ASIC2: variants seen among roughly 807,000 people sequenced by gnomAD.
The protein encoded by ASIC2 is acid-sensing ion channel 2.
In ASIC2, 25 loss-of-function variants were observed where a neutral mutation model predicts 57.3. The ratio of observed to expected loss-of-function variants is 0.44; its 90% CI spans 0.32 to 0.61. ASIC2 has a LOEUF of 0.61. Among genes scored for constraint, ASIC2 ranks in the 20% least tolerant of loss-of-function variants. The probability of loss-of-function intolerance (pLI) is 0.06; values close to 1 mark genes in which losing one functional copy is unlikely to be tolerated. For synonymous variants in ASIC2, 319 were observed against 307.5 expected (o/e 1.04, Z -0.39); for missense variants, 641 against 738.1 (o/e 0.87, Z 1.52).
chr17:33,046,552 G>A (rs2091955743), intron 3 of ASIC2, among the ~76,000 whole-genome samples: 1 of 151,974 alleles, frequency 6.6e-6, no homozygotes, highest in Non-Finnish European at 1.5e-5. Flanking sequence ...GAATACAGGG[G>A]AAGCCTGCCC....
At chr17:33,999,531 T>C (rs62056820) in intron 1 of ASIC2, among the ~76,000 whole-genome samples, 6,217 of 152,272 alleles carry the variant, frequency 0.041, 174 homozygotes, top group Middle Eastern at 0.065. Flanking sequence ...CTGTATGTAC[T>C]ACAGGTAGTT....
At chr17:33,962,274 G>T (rs1454784533) in intron 1 of ASIC2, among the ~76,000 whole-genome samples, 1 of 152,210 alleles carries the variant, frequency 6.6e-6, no homozygotes, top group Non-Finnish European at 1.5e-5. Flanking sequence ...TGGAGGAGGA[G>T]CTTTGAGGCC....
At chr17:33,667,386 G>A (rs959039461) in intron 1 of ASIC2, among the ~76,000 whole-genome samples, 1 of 152,152 alleles carries the variant, frequency 6.6e-6, no homozygotes, top group African/African-American at 2.4e-5. Context: ...CCCACACAAC[G>A]GAAGTGCATA....
chr17:33,288,172 T>C (rs934824302), intron 1 of ASIC2, among the ~76,000 whole-genome samples: 20 of 151,896 alleles, frequency 1.3e-4, no homozygotes, highest in East Asian at 3.9e-4. Context: ...TGTGTGAGGA[T>C]TGACATCTAA....
chr17:33,097,403 CA>C (rs549193806), intron 2 of ASIC2, among the ~76,000 whole-genome samples: 109 of 152,298 alleles, frequency 7.2e-4, no homozygotes, highest in Admixed American at 1.1e-3. Context: ...ATGAAGAAAC[CA>C]AAGCTCACAG....
chr17:33,512,221 T>C (rs1914449857), intron 1 of ASIC2, among the ~76,000 whole-genome samples: 1 of 152,206 alleles, frequency 6.6e-6, no homozygotes, highest in Non-Finnish European at 1.5e-5. Flanking sequence ...TCACTATCTA[T>C]GCTGAAAGAG....
chr17:33,568,478 G>A (rs1367493507), intron 1 of ASIC2, among the ~76,000 whole-genome samples: 1 of 152,128 alleles, frequency 6.6e-6, no homozygotes, highest in Non-Finnish European at 1.5e-5. Flanking sequence ...AAATAAGACT[G>A]TTCCCTCTGC....
chr17:33,703,814 T>C (rs11658778), intron 1 of ASIC2, among the ~76,000 whole-genome samples: 1 of 152,174 alleles, frequency 6.6e-6, no homozygotes, highest in African/African-American at 2.4e-5. Flanking sequence ...TGTACATGAT[T>C]GTTAGACTGC....
chr17:33,371,692 T>C (rs893050261), intron 1 of ASIC2, among the ~76,000 whole-genome samples: 1 of 100,254 alleles, frequency 1.0e-5, no homozygotes, highest in African/African-American at 4.0e-5. Flanking sequence ...AAATATACTT[T>C]GGGATTTTTT....
chr17:33,478,771 C>T, intron 1 of ASIC2, among the ~76,000 whole-genome samples: 1 of 152,184 alleles, frequency 6.6e-6, no homozygotes, highest in Admixed American at 6.5e-5. Context: ...CAAGGTTCTG[C>T]AATCAGGTGA....
At chr17:33,287,503 G>C (rs1033117433) in intron 1 of ASIC2, among the ~76,000 whole-genome samples, 1 of 152,212 alleles carries the variant, frequency 6.6e-6, no homozygotes, top group Admixed American at 6.5e-5. Flanking sequence ...GGAAACCCCA[G>C]AAGGGCCAGA....
At chr17:33,639,170 G>A (rs988761231) in intron 1 of ASIC2, among the ~76,000 whole-genome samples, 1 of 151,896 alleles carries the variant, frequency 6.6e-6, no homozygotes, top group South Asian at 2.1e-4. Flanking sequence ...AATGCCAGAC[G>A]TGAGGCTTTT....
chr17:33,020,652 G>A (rs1251165528), intron 7 of ASIC2, among the ~76,000 whole-genome samples: 3 of 152,182 alleles, frequency 2.0e-5, no homozygotes, highest in Non-Finnish European at 4.4e-5. Flanking sequence ...TTTGTGGGGT[G>A]GCAGCAGGTT....
chr17:33,223,276 G>A (rs1458905641), intron 1 of ASIC2, among the ~76,000 whole-genome samples: 3 of 151,812 alleles, frequency 2.0e-5, no homozygotes, highest in African/African-American at 4.8e-5. Context: ...TCCGCCTCCA[G>A]GGTTCAAGTG....
At chr17:33,233,159 C>A (rs935772313) in intron 1 of ASIC2, among the ~76,000 whole-genome samples, 3 of 151,466 alleles carry the variant, frequency 2.0e-5, no homozygotes, top group African/African-American at 7.3e-5. Flanking sequence ...TCCTCATATA[C>A]CCTCAGCGGT....
chr17:33,731,200 A>T, intron 1 of ASIC2, among the ~76,000 whole-genome samples: 1 of 152,212 alleles, frequency 6.6e-6, no homozygotes, highest in East Asian at 1.9e-4. Flanking sequence ...TGTTTAGCAG[A>T]GATTTACTGG....
At chr17:33,817,992 G>A (rs917692315) in intron 1 of ASIC2, among the ~76,000 whole-genome samples, 1 of 152,142 alleles carries the variant, frequency 6.6e-6, no homozygotes, top group Non-Finnish European at 1.5e-5. Context: ...TTGGCTCAAA[G>A]CTCCCAAGGT....
At chr17:33,207,934 T>C (rs1445866056) in intron 1 of ASIC2, among the ~76,000 whole-genome samples, 1 of 152,202 alleles carries the variant, frequency 6.6e-6, no homozygotes, top group Admixed American at 6.5e-5. Flanking sequence ...TTTTCTTACC[T>C]GTCTTATTTC....
chr17:33,941,652 G>C (rs999748246), intron 1 of ASIC2, among the ~76,000 whole-genome samples: 6 of 152,216 alleles, frequency 3.9e-5, no homozygotes, highest in African/African-American at 1.4e-4. Flanking sequence ...GGTCCAGAGA[G>C]AGGCCAGCCC....
Sources: gnomAD v4.1 joint callset for allele counts (sites outside exome capture counted in the v4.1 genomes callset) on GRCh38, gnomAD v4.1.1 for gene constraint, MANE v1.5 for transcripts, NCBI Gene and HGNC (gene_info 2026-07-23, HGNC 2026-07-21) for gene names.